Variants in ALDH1L2 observed in about 807,000 individuals in gnomAD.
ALDH1L2 encodes the protein aldehyde dehydrogenase 1 family member L2.
ALDH1L2 carries 91 observed loss-of-function variants against 111.0 expected under a neutral mutation model. The observed-to-expected ratio is 0.82, with a 90% confidence interval of 0.69 to 0.98. The LOEUF is 0.98. Among genes scored for constraint, ALDH1L2 ranks in the 50% least tolerant of loss-of-function variants. The pLI, the probability that ALDH1L2 is intolerant of heterozygous loss-of-function variation, is 0.00. For synonymous variants in ALDH1L2, 374 were observed against 392.6 expected (o/e 0.95, Z 0.56); for missense variants, 995 against 1,126.8 (o/e 0.88, Z 1.67).
At chr12:105,050,567 GT>G in intron 12 of ALDH1L2, 1 of 379,730 alleles carries the variant, frequency 2.6e-6, no homozygotes, top group Non-Finnish European at 5.3e-6. Flanking sequence ...CATCTTTTGT[GT>G]TCAACTTCTC....
intron 18 of ALDH1L2, among the ~76,000 whole-genome samples, chr12:105,036,514 TTATATATATATATATATATA>T (rs1182802302): frequency 0.069 from 1,635 of 23,592 alleles, 196 homozygotes; most frequent in African/African-American, 0.11. Flanking sequence ...TATATATATT[TTATATATATATATATATATA>T]TATATATATA....
chr12:105,078,320 A>C (rs1371870127), intron 1 of ALDH1L2, among the ~76,000 whole-genome samples: 1 of 152,174 alleles, frequency 6.6e-6, no homozygotes, highest in African/African-American at 2.4e-5. Flanking sequence ...TTAGCTGGGC[A>C]TGGTGGCGCG....
At chr12:105,024,966 C>G (rs1874343208) in intron 22 of ALDH1L2, among the ~76,000 whole-genome samples, 1 of 152,216 alleles carries the variant, frequency 6.6e-6, no homozygotes. Flanking sequence ...AGTTTGAAAT[C>G]ATTTGGTTTA....
At position 105,061,063 on chromosome 12, in the gene ALDH1L2, C is replaced by A; in HGVS notation, c.1057G>T (p.Ala353Ser). ...ATGGGGACATTGCTTAAAATTCCAG[C>A]CCAGATGACCTACACAAAAAGGAAA... ...KVAETIKVIW[A>S]GILSNVPIIE... Residue 353 changes from alanine to serine, a missense_variant, in exon 9 of 23, where the codon GCT (alanine) becomes TCT (serine). Physicochemically the swap from Ala to Ser is moderately conservative, Grantham distance 99 (BLOSUM62 1). Coordinates refer to ENST00000258494, the MANE Select transcript of ALDH1L2 (RefSeq NM_001034173.4). 1.2e-6 allele frequency: 2 copies of A among 1,613,548 alleles called. No individual in the cohort carries two copies. The highest frequency in any genetic ancestry group is 1.7e-6 in the Non-Finnish European group (2 of 1,179,548).
rs760060153 is a variant in ALDH1L2, at chr12:105,046,720, T to C, written c.1853A>G (p.Lys618Arg). 1.9e-6 allele frequency: 3 copies of C among 1,614,046 alleles called. No homozygotes were observed. The East Asian group carries it at 6.7e-5, about 36-fold the overall frequency. Residue 618 changes from lysine to arginine, a missense_variant, in exon 15 of 23, where the codon AAG becomes AGG. By Grantham distance (26) the Lys-to-Arg change is conservative. Transcript: ENST00000258494. ...CLAAGNTLVLKPAQVTPLTAL... is the reference protein window; with the variant it reads ...CLAAGNTLVLRPAQVTPLTAL... The stretch of plus-strand genomic sequence containing the variant: ...CCTTTGTGGCCTTACCTGTGCTGGC[T>C]TGAGCACTAAGGTATTGCCTGCTGC...
chr12:105,030,308 T>C lies in ALDH1L2; in HGVS notation c.2516+16A>G. ...TCTAGTCAAAACCTAAGTTACATTGTGTCTGAAGAACCTACCCATTTTGGA... is the reference window on the plus strand; with the variant it reads ...TCTAGTCAAAACCTAAGTTACATTGCGTCTGAAGAACCTACCCATTTTGGA... On this transcript the variant is annotated intron_variant, in intron 21 of 22. Transcript: ENST00000258494. 1 of 1,600,906 alleles carries C rather than the reference T, an allele frequency of 6.2e-7. No individual in the cohort carries two copies. The highest frequency in any genetic ancestry group is 1.7e-5 in the Admixed American group (1 of 58,710).
chr12:105,067,236 G>T (rs1368156113), intron 4 of ALDH1L2, among the ~76,000 whole-genome samples: 2 of 129,652 alleles, frequency 1.5e-5, no homozygotes, highest in Admixed American at 1.6e-4. Context: ...AAAAAAAAAA[G>T]AAAAGAAAAA....
At chr12:105,027,153 G>A (rs1464307312) in intron 21 of ALDH1L2, among the ~76,000 whole-genome samples, 1 of 152,242 alleles carries the variant, frequency 6.6e-6, no homozygotes, top group African/African-American at 2.4e-5. Flanking sequence ...GGGATTACAG[G>A]TGTGAGCCAC....
intron 13 of ALDH1L2, chr12:105,048,404 C>A (rs1291574084): frequency 1.3e-5 from 2 of 152,154 alleles, no homozygotes; most frequent in Non-Finnish European, 2.9e-5. Flanking sequence ...GTCTCCTTAG[C>A]AGATAGAGAT....
chr12:105,075,323 G>A (rs189134119), intron 1 of ALDH1L2, among the ~76,000 whole-genome samples: 8 of 152,324 alleles, frequency 5.3e-5, no homozygotes, highest in African/African-American at 1.9e-4. Context: ...GGTGGCTCAC[G>A]CCTGTAATCC....
In ALDH1L2 at chr12:105,061,634, G is replaced by T. The variant is rs761986038; in HGVS notation, c.1040C>A (p.Thr347Asn). ...AAGTCATCATGTGTTCACCTTGATG[G>T]TCTCTGCCACTTTCACCTCTTCAGC... Reference protein sequence around the residue: ...LTAEEVKVAETIKVIWAGILS... With the variant: ...LTAEEVKVAENIKVIWAGILS... The change falls in exon 8 of 23, where the codon ACC becomes AAC. Residue 347 changes from threonine to asparagine, a missense_variant. Transcript: ENST00000258494. 3.7e-6 allele frequency: 6 copies of T among 1,613,994 alleles called. No homozygotes were observed. Among genetic ancestry groups the T allele is most frequent in the Non-Finnish European group, 5.1e-6 (6 of 1,180,026 alleles).
chr12:105,059,521 A>G (rs1289507580), intron 9 of ALDH1L2, among the ~76,000 whole-genome samples: 1 of 152,138 alleles, frequency 6.6e-6, no homozygotes, highest in East Asian at 1.9e-4. Flanking sequence ...GTATTGAAAT[A>G]TTTAGTTAAG....
chr12:105,042,112 T>A (rs1040605057), intron 15 of ALDH1L2, among the ~76,000 whole-genome samples: 2 of 152,148 alleles, frequency 1.3e-5, no homozygotes, highest in African/African-American at 2.4e-5. Context: ...TGTATGTGTG[T>A]ATCTATCCCT....
chr12:105,039,789 G>A lies in ALDH1L2; in HGVS notation c.1969C>T (p.Arg657Cys). The change falls in exon 17 of 23, where the codon CGT (arginine) becomes TGT (cysteine). Residue 657 changes from arginine (R) to cysteine (C), a missense_variant. Coordinates refer to ENST00000258494, the MANE Select transcript of ALDH1L2 (RefSeq NM_001034173.4). ...CGGATGTCAGGATGTTCAGACAGACGTTGTCCTGCTATGCCACCTGTAGAA... is the reference window on the plus strand; with the variant it reads ...CGGATGTCAGGATGTTCAGACAGACATTGTCCTGCTATGCCACCTGTAGAA... ...IPGSGGIAGQ[R>C]LSEHPDIRKL... The A allele has an allele frequency of 1.2e-6, 2 of 1,613,946 alleles. No individual in the cohort carries two copies. Among genetic ancestry groups the A allele is most frequent in the Middle Eastern group, 1.6e-4 (1 of 6,062 alleles).
At chr12:105,031,722 A>G in intron 20 of ALDH1L2, 47 bp downstream of exon 20, 7 of 1,589,572 alleles carry the variant, frequency 4.4e-6, no homozygotes, top group Non-Finnish European at 6.0e-6. Flanking sequence ...GTCCATTCCA[A>G]CTGAAGAAGG....
chr12:105,084,147 G>T (rs73393894), intron 1 of ALDH1L2, among the ~76,000 whole-genome samples: 3,477 of 152,208 alleles, frequency 0.023, 84 homozygotes, highest in African/African-American at 0.057. Flanking sequence ...TGCATCCTCA[G>T]CCCCCTCCCG....
In ALDH1L2 at chr12:105,047,048, T is replaced by C. The variant is rs971844039; in HGVS notation, c.1687-79A>G. On this transcript the variant is annotated intron_variant, in intron 13 of 22. Transcript: ENST00000258494. ...CATCTCAAAGGATCCATTTTCTGTC[T>C]TCCTCTCTTACTTTTTGTTAGCTGA... The C allele has an allele frequency of 1.4e-5, 21 of 1,488,254 alleles. No homozygotes were observed. The African/African-American group carries it at 2.9e-4, about 21-fold the overall frequency. The allele number at this position is 1,488,254 out of a possible 1,614,324, so 92.2% of individuals were successfully genotyped here. A position where few individuals can be genotyped will look rare whatever the true frequency, so the allele number is the denominator to read the frequency against.
intron 13 of ALDH1L2, 44 bp downstream of exon 13, chr12:105,049,864 T>C (rs953770592): frequency 5.1e-6 from 8 of 1,577,904 alleles, no homozygotes; most frequent in Non-Finnish European, 6.9e-6. Context: ...AACTAATCAA[T>C]GTTAGTCCCT....
chr12:105,050,690 T>G (rs2136074868), intron 12 of ALDH1L2: 1 of 454,002 alleles, frequency 2.2e-6, no homozygotes, highest in Non-Finnish European at 4.4e-6. Context: ...ATCTTGCTTG[T>G]ATTAGTTCAT....
Sources: gnomAD v4.1 joint callset for allele counts (sites outside exome capture counted in the v4.1 genomes callset) on GRCh38, gnomAD v4.1.1 for gene constraint, MANE v1.5 for transcripts, NCBI Gene and HGNC (gene_info 2026-07-23, HGNC 2026-07-21) for gene names.